PKHD1L1: variants seen among roughly 807,000 people sequenced by gnomAD.
PKHD1L1 encodes PKHD1 like 1.
PKHD1L1 carries 434 observed loss-of-function variants against 462.9 expected under a neutral mutation model. That is an observed-to-expected ratio of 0.94 (90% CI 0.87 to 1.02). PKHD1L1 has a LOEUF of 1.02. PKHD1L1 is among the 50% of genes least tolerant of loss of function. The pLI, the probability that PKHD1L1 is intolerant of heterozygous loss-of-function variation, is 0.00. For missense variants in PKHD1L1, 5,202 were observed against 5,096.1 expected (o/e 1.02, Z -0.63); for synonymous variants, 1,781 against 1,750.0 (o/e 1.02, Z -0.44).
Position 109,425,137 on chromosome 8 carries a change from C to T in PKHD1L1, c.2750C>T (p.Pro917Leu), listed in dbSNP as rs1022009093. The T allele has an allele frequency of 3.1e-6, 5 of 1,608,088 alleles. No homozygotes were observed. The highest frequency in any genetic ancestry group is 1.3e-5 in the African/African-American group (1 of 74,600). Residue 917 changes from proline (P) to leucine (L), a missense_variant, in exon 24 of 78, where the codon CCA becomes CTA. Physicochemically the swap from Pro to Leu is moderately conservative, Grantham distance 98. This residue lies in a region of PKHD1L1 where 4,497 missense variants were observed against 4,336.8 expected (regional missense o/e 1.04). Transcript: ENST00000378402. The part of the protein sequence containing the change: ...NEFVYRGNNW[P>L]GESKIHIQRI... The stretch of plus-strand genomic sequence containing the variant: ...TTTGTCTACAGAGGAAATAATTGGC[C>T]AGGCGAGTCAAAAATTCATATTCAA...
At chr8:109,513,144 A>C (rs1411013849) in intron 71 of PKHD1L1, among the ~76,000 whole-genome samples, 1 of 151,572 alleles carries the variant, frequency 6.6e-6, no homozygotes, top group Non-Finnish European at 1.5e-5. Flanking sequence ...ATCTGCAAAC[A>C]GGGACAATTT....
At chr8:109,457,029 G>A (rs1258065481) in intron 46 of PKHD1L1, among the ~76,000 whole-genome samples, 1 of 151,970 alleles carries the variant, frequency 6.6e-6, no homozygotes, top group African/African-American at 2.4e-5. Flanking sequence ...ATAAAAGAAA[G>A]AAAATTAACA....
chr8:109,484,696 G>A (rs1818438030), intron 57 of PKHD1L1, among the ~76,000 whole-genome samples: 1 of 151,706 alleles, frequency 6.6e-6, no homozygotes, highest in South Asian at 2.1e-4. Flanking sequence ...CAAAAAACTA[G>A]GGAAAAAATT....
Position 109,515,276 on chromosome 8 carries a change from A to C in PKHD1L1, c.11660A>C (p.His3887Pro). Residue 3887 changes from histidine to proline, a missense_variant, in exon 72 of 78, where the codon CAC becomes CCC. His to Pro is a moderately conservative substitution (Grantham distance 77). Around this residue, in one of 3 missense-constraint regions of PKHD1L1, gnomAD observed 698 missense variants for 736.3 expected, o/e 0.95. Coordinates refer to ENST00000378402, the MANE Select transcript of PKHD1L1 (RefSeq NM_177531.6). ...ACAATATGGAATGCCCAGCAGAAAC[A>C]CTGTGAACTTAATAACCATCTGTAC... is the stretch of plus-strand genomic sequence containing the variant. ...KTTIWNAQQK[H>P]CELNNHLYKD... is the part of the protein sequence containing the mutation. The C allele has an allele frequency of 6.2e-7, 1 of 1,600,696 alleles. No homozygotes were observed. The highest frequency in any genetic ancestry group is 8.5e-7 in the Non-Finnish European group (1 of 1,172,162).
intron 67 of PKHD1L1, among the ~76,000 whole-genome samples, chr8:109,503,579 TAG>T (rs529346834): frequency 9.0e-4 from 137 of 152,342 alleles, no homozygotes; most frequent in Non-Finnish European, 1.6e-3. Flanking sequence ...CTTTTCTGTT[TAG>T]AGTTATTGGA....
At chr8:109,402,570 A>G (rs1348585734) in intron 14 of PKHD1L1, among the ~76,000 whole-genome samples, 2 of 152,180 alleles carry the variant, frequency 1.3e-5, no homozygotes, top group Non-Finnish European at 2.9e-5. Flanking sequence ...GGTGCAGTAA[A>G]GAGGGGAGTC....
chr8:109,385,509 T>A (rs7016085), intron 5 of PKHD1L1, 28 bp from the exon 6 acceptor site: 1 of 1,440,256 alleles, frequency 6.9e-7, no homozygotes, highest in Non-Finnish European at 9.6e-7. Flanking sequence ...TTACACAGAA[T>A]CTTTTTGGGG....
chr8:109,453,268 A>G (rs1425743974), intron 43 of PKHD1L1, among the ~76,000 whole-genome samples: 6 of 152,184 alleles, frequency 3.9e-5, no homozygotes, highest in Non-Finnish European at 8.8e-5. Context: ...AGTGGGTCCC[A>G]GGAAATAAAA....
intron 23 of PKHD1L1, among the ~76,000 whole-genome samples, chr8:109,424,882 G>T (rs545295158): frequency 1.6e-4 from 25 of 152,222 alleles, no homozygotes; most frequent in African/African-American, 4.8e-4. Context: ...CTGCACAGAT[G>T]AATGAGTTGA....
Position 109,509,374 on chromosome 8 carries a change from C to A in PKHD1L1, c.11395+1110C>A, listed in dbSNP as rs868031002. Among the ~76,000 whole-genome samples the A allele has an allele frequency of 3.3e-5, 5 of 151,958 alleles. No individual in the cohort carries two copies. In the South Asian group the frequency reaches 8.3e-4, roughly 25 times the overall value. ...AAAAGATTTCATTGTCTTATTTTTA[C>A]ATTTCCCTTTTCTGGCAAGCAATAC... On this transcript the variant is annotated intron_variant, in intron 70 of 77. Coordinates refer to ENST00000378402, the MANE Select transcript of PKHD1L1 (RefSeq NM_177531.6).
intron 14 of PKHD1L1, among the ~76,000 whole-genome samples, chr8:109,403,229 G>A (rs1813364351): frequency 6.6e-6 from 1 of 152,150 alleles, no homozygotes; most frequent in African/African-American, 2.4e-5. Flanking sequence ...ACTCTAGCTG[G>A]TTTATTGTAA....
intron 76 of PKHD1L1, among the ~76,000 whole-genome samples, chr8:109,525,880 C>A (rs1820791916): frequency 6.6e-6 from 1 of 151,958 alleles, no homozygotes; most frequent in Non-Finnish European, 1.5e-5. Flanking sequence ...TTCATGAAAC[C>A]ACAGATGTGA....
At chr8:109,389,261 T>G in intron 8 of PKHD1L1, 109 bp downstream of exon 8, 1 of 781,288 alleles carries the variant, frequency 1.3e-6, no homozygotes, top group Non-Finnish European at 2.0e-6. Context: ...CAGGTGTTTT[T>G]GTTTGTTTGT....
At chr8:109,529,977 G>T in intron 77 of PKHD1L1, 103 bp from the exon 78 acceptor site, 3 of 690,668 alleles carry the variant, frequency 4.3e-6, no homozygotes, top group Non-Finnish European at 6.3e-6. Context: ...ACTGCTAACT[G>T]TACCATAAAA....
chr8:109,535,473 TTTAAA>T lies in PKHD1L1; in HGVS notation c.*5388_*5392del, dbSNP rs1821126429. On this transcript the variant is annotated 3_prime_UTR_variant, in exon 78 of 78. Coordinates refer to ENST00000378402, the MANE Select transcript of PKHD1L1 (RefSeq NM_177531.6). ...ATAAGAACTACGTACAAAATATAGA[TTTAAA>T]TTAATTTTCACTGTATGAAATGTAC... Among the ~76,000 whole-genome samples the T allele has an allele frequency of 3.3e-5, 5 of 152,312 alleles. No homozygotes were observed. The South Asian group carries it at 1.0e-3, about 32-fold the overall frequency.
chr8:109,481,431 A>G lies in PKHD1L1; in HGVS notation c.9328-2A>G, dbSNP rs139600051. On this transcript the variant is annotated splice_acceptor_variant, in intron 55 of 77. Coordinates refer to ENST00000378402, the MANE Select transcript of PKHD1L1 (RefSeq NM_177531.6). LOFTEE classifies it high-confidence loss of function. ...TATTAACAATTTTCTGCTTCATTTC[A>G]GGGAGGTAGATTAATCGGTGGCTGG... 223 of 1,583,306 alleles carry G rather than the reference A, an allele frequency of 1.4e-4. 1 individual carries two copies. In the East Asian group the frequency reaches 4.3e-3, roughly 31 times the overall value.
chr8:109,511,786 G>A (rs1195890338), intron 71 of PKHD1L1, among the ~76,000 whole-genome samples: 1 of 152,128 alleles, frequency 6.6e-6, no homozygotes, highest in African/African-American at 2.4e-5. Flanking sequence ...TTCCACAGGG[G>A]TTGAACTAGT....
In PKHD1L1 at chr8:109,382,571, C is replaced by A; in HGVS notation, c.417C>A (p.Asn139Lys). 18 of 1,604,812 alleles carry A rather than the reference C, an allele frequency of 1.1e-5. No homozygotes were observed. The highest frequency in any genetic ancestry group is 1.5e-5 in the Non-Finnish European group (18 of 1,174,530). The part of the protein sequence containing the change: ...GHINSWECTF[N>K]AKSFRTPTIR... Reference sequence around the variant, plus strand: ...TCAACAGCTGGGAATGTACCTTCAACGTATGTAGGAATCTTCTCTTCAGTT... The same window carrying A: ...TCAACAGCTGGGAATGTACCTTCAAAGTATGTAGGAATCTTCTCTTCAGTT... The change falls in exon 4 of 78, where the codon AAC becomes AAA. Residue 139 changes from asparagine to lysine, a missense_variant and splice_region_variant. By Grantham distance (94) the Asn-to-Lys change is moderately conservative. Around this residue, in one of 3 missense-constraint regions of PKHD1L1, gnomAD observed 4,497 missense variants for 4,336.8 expected, o/e 1.04. Transcript: ENST00000378402.
intron 9 of PKHD1L1, 26 bp downstream of exon 9, chr8:109,390,520 T>A: frequency 7.8e-7 from 1 of 1,275,534 alleles, no homozygotes; most frequent in African/African-American, 1.5e-5. Context: ...AATAATAACT[T>A]TTATAATTGA....
Sources: gnomAD v4.1 joint callset for allele counts (sites outside exome capture counted in the v4.1 genomes callset) on GRCh38, gnomAD v4.1.1 for gene constraint, gnomAD v4.1.1 regional missense constraint, MANE v1.5 for transcripts, NCBI Gene and HGNC (gene_info 2026-07-23, HGNC 2026-07-21) for gene names.